HSPA12A: variants seen among roughly 807,000 people sequenced by gnomAD.
The protein encoded by HSPA12A is heat shock protein family A (Hsp70) member 12A, also known as heat shock 70 kDa protein 12A.
Under a neutral mutation model 69.2 loss-of-function variants are expected in HSPA12A, and 28 were observed. The ratio of observed to expected loss-of-function variants is 0.40; its 90% confidence interval spans 0.30 to 0.55. The LOEUF (loss-of-function observed/expected upper bound fraction) is 0.55, where lower values mean the gene tolerates loss of function less well. Among genes scored for constraint, HSPA12A ranks in the 20% least tolerant of loss-of-function variants. The probability of loss-of-function intolerance (pLI) is 0.38; values close to 1 mark genes in which losing one functional copy is unlikely to be tolerated. For missense variants in HSPA12A, 686 were observed against 900.7 expected, an observed-to-expected ratio of 0.76 and a Z score of 3.05; for synonymous variants, 345 against 370.5, an observed-to-expected ratio of 0.93 and a Z score of 0.79.
intron 5 of HSPA12A, among the ~76,000 whole-genome samples, chr10:116,696,575 A>G (rs1554880904): frequency 6.6e-6 from 1 of 152,098 alleles, no homozygotes; most frequent in Admixed American, 6.6e-5. Flanking sequence ...AAATTACCCA[A>G]TCTCAGGTAC....
rs1484259549 is a variant in HSPA12A at position 116,707,520 on chromosome 10, C to G, written c.41-235G>C. Among the ~76,000 whole-genome samples, 4 of 152,188 alleles carry G rather than the reference C, an allele frequency of 2.6e-5. No homozygotes were observed. The East Asian group carries it at 7.7e-4, about 29-fold the overall frequency. On this transcript the variant is annotated intron_variant, in intron 1 of 11. Transcript: ENST00000369209. ...GATGCTCCTTTCCTCCCAGTCGCCACCAGGCCTCTCACTCTGTGCCACTCA... is the reference window on the plus strand; with the variant it reads ...GATGCTCCTTTCCTCCCAGTCGCCAGCAGGCCTCTCACTCTGTGCCACTCA...
rs1554882932 is a variant in HSPA12A at position 116,710,357 on chromosome 10, T to C, written c.41-3072A>G. On this transcript the variant is annotated intron_variant, in intron 1 of 11. Transcript: ENST00000369209. This position sits in a 1 kb window ranked among gnomAD's most constrained non-coding sequence, Gnocchi z 4.1. Reference sequence around the variant, plus strand: ...CAAGCTATTATCTGCAGACAAACTATCCACCCCGCTGCTGCTTGGTCCTAA... The same window carrying C: ...CAAGCTATTATCTGCAGACAAACTACCCACCCCGCTGCTGCTTGGTCCTAA... Among the ~76,000 whole-genome samples, 1 of 152,138 alleles carries C rather than the reference T, an allele frequency of 6.6e-6. No homozygotes were observed. The highest frequency in any genetic ancestry group is 1.5e-5 in the Non-Finnish European group (1 of 68,016).
At chr10:116,816,567 T>C (rs1845308863) in intron 2 of HSPA12A, among the ~76,000 whole-genome samples, 1 of 152,194 alleles carries the variant, frequency 6.6e-6, no homozygotes, top group African/African-American at 2.4e-5. Flanking sequence ...CTTCCTAACC[T>C]TAAGCTGGTG....
At chr10:116,780,448 C>G (rs1844439834) in intron 2 of HSPA12A, among the ~76,000 whole-genome samples, 1 of 152,086 alleles carries the variant, frequency 6.6e-6, no homozygotes, top group South Asian at 2.1e-4. Context: ...ACCTCCCACA[C>G]TCGAGTGATC....
intron 2 of HSPA12A, among the ~76,000 whole-genome samples, chr10:116,798,068 G>C (rs910618323): frequency 6.6e-6 from 1 of 152,092 alleles, no homozygotes; most frequent in Non-Finnish European, 1.5e-5. Flanking sequence ...GCAGGGGCTG[G>C]GACCAGATCA....
chr10:116,725,269 T>C (rs555057528), intron 1 of HSPA12A, among the ~76,000 whole-genome samples: 22 of 152,170 alleles, frequency 1.4e-4, no homozygotes, highest in Non-Finnish European at 2.5e-4. Context: ...TGAGCCAGCC[T>C]GTGTTGAGAC....
At chr10:116,689,083 C>A (rs1359484481) in intron 6 of HSPA12A, among the ~76,000 whole-genome samples, 3 of 152,134 alleles carry the variant, frequency 2.0e-5, no homozygotes, top group Non-Finnish European at 4.4e-5. Flanking sequence ...TGCATCTGTG[C>A]ACCCTCTCTG....
intron 2 of HSPA12A, among the ~76,000 whole-genome samples, chr10:116,802,352 A>G (rs1412122843): frequency 6.6e-6 from 1 of 152,222 alleles, no homozygotes. Flanking sequence ...AAATGTGGCC[A>G]CAAAATAACA....
At chr10:116,797,178 G>A (rs1844846650) in intron 2 of HSPA12A, among the ~76,000 whole-genome samples, 1 of 152,162 alleles carries the variant, frequency 6.6e-6, no homozygotes, top group East Asian at 1.9e-4. Flanking sequence ...CTTGTCATTT[G>A]CTAAACAGAG....
intron 2 of HSPA12A, among the ~76,000 whole-genome samples, chr10:116,796,105 G>A (rs1479804361): frequency 1.5e-5 from 2 of 131,216 alleles, no homozygotes; most frequent in Non-Finnish European, 3.0e-5. Context: ...CCAAGATCCC[G>A]CCACTGCACT....
At chr10:116,694,997 C>T (rs1554880617) in intron 5 of HSPA12A, among the ~76,000 whole-genome samples, 2 of 152,116 alleles carry the variant, frequency 1.3e-5, no homozygotes, top group Non-Finnish European at 2.9e-5. Flanking sequence ...GCTGCCAGGC[C>T]TCCCCTGTCC....
chr10:116,724,125 G>A (rs782682343), intron 1 of HSPA12A, among the ~76,000 whole-genome samples: 1 of 152,102 alleles, frequency 6.6e-6, no homozygotes, highest in Non-Finnish European at 1.5e-5. Flanking sequence ...TTTGATGTCA[G>A]GAAACCACTG....
At chr10:116,781,540 C>T (rs1435403618) in intron 2 of HSPA12A, among the ~76,000 whole-genome samples, 1 of 152,138 alleles carries the variant, frequency 6.6e-6, no homozygotes, top group Admixed American at 6.5e-5. Flanking sequence ...AGCCCCACAG[C>T]CCTGGGTCCA....
intron 1 of HSPA12A, among the ~76,000 whole-genome samples, chr10:116,840,496 A>C (rs192802621): frequency 6.6e-6 from 1 of 152,344 alleles, no homozygotes; most frequent in East Asian, 1.9e-4. Flanking sequence ...TCAGCACAGA[A>C]ACTCTATTTT....
At chr10:116,827,013 C>T (rs1030271267) in intron 2 of HSPA12A, among the ~76,000 whole-genome samples, 2 of 152,148 alleles carry the variant, frequency 1.3e-5, no homozygotes, top group East Asian at 1.9e-4. Context: ...TTCAGATCCC[C>T]GCAATCTGAC....
At chr10:116,693,087 A>C (rs1554880351) in intron 5 of HSPA12A, among the ~76,000 whole-genome samples, 1 of 152,154 alleles carries the variant, frequency 6.6e-6, no homozygotes, top group Admixed American at 6.5e-5. Context: ...CAAAGGTCTG[A>C]GTTGTTACAC....
chr10:116,707,587 C>T (rs138422782), intron 1 of HSPA12A, among the ~76,000 whole-genome samples: 6 of 152,338 alleles, frequency 3.9e-5, no homozygotes, highest in East Asian at 3.9e-4. Context: ...CCGAAAGCTC[C>T]GCTCCTGGCT....
At chr10:116,829,253 A>G (rs955349948) in intron 2 of HSPA12A, 2 of 153,024 alleles carry the variant, frequency 1.3e-5, no homozygotes, top group Admixed American at 1.3e-4. Context: ...CTGCCGCCAC[A>G]TAAAAAGTCC....
chr10:116,767,444 T>G (rs1554889893), intron 2 of HSPA12A, among the ~76,000 whole-genome samples: 1 of 152,138 alleles, frequency 6.6e-6, no homozygotes, highest in African/African-American at 2.4e-5. Flanking sequence ...CCACCCCAGC[T>G]GCTGGGTGGA....
Sources: allele counts gnomAD v4.1 joint callset (sites outside exome capture counted in the v4.1 genomes callset), GRCh38; gene constraint gnomAD v4.1.1; non-coding constraint Gnocchi (gnomAD v3.1); transcripts MANE v1.5; gene names NCBI Gene and HGNC (gene_info 2026-07-23, HGNC 2026-07-21).